NFX1: variants seen among roughly 807,000 people sequenced by gnomAD.
NFX1 encodes the protein nuclear transcription factor, X-box binding 1, also known as transcriptional repressor NF-X1.
NFX1 carries 69 observed loss-of-function variants against 137.2 expected under a neutral mutation model. The observed-to-expected ratio is 0.50, with a 90% CI of 0.41 to 0.61. NFX1 has a LOEUF of 0.61. Among genes scored for constraint, NFX1 ranks in the 20% least tolerant of loss-of-function variants. The probability of loss-of-function intolerance (pLI) is 0.00; values close to 1 mark genes in which losing one functional copy is unlikely to be tolerated. For synonymous variants in NFX1, 495 were observed against 474.1 expected (o/e 1.04, Z -0.57); for missense variants, 1,167 against 1,391.0 (o/e 0.84, Z 2.56).
At chr9:33,307,357 C>T in intron 5 of NFX1, 58 bp downstream of exon 5, 1 of 1,414,882 alleles carries the variant, frequency 7.1e-7, no homozygotes, top group Non-Finnish European at 1.0e-6. Flanking sequence ...GCTGGTGGCT[C>T]TAAGTAAACA....
rs140817809 is a variant in NFX1, at chr9:33,293,761, T to C, written c.26-659T>C. Among the ~76,000 whole-genome samples, 36 of 152,344 alleles carry C rather than the reference T, an allele frequency of 2.4e-4. No individual in the cohort carries two copies. The East Asian group carries it at 5.0e-3, about 21-fold the overall frequency. ...GGGAGTATGCTTAATTTTTTCCACT[T>C]TGGGATTGTAGACCAGATTATAGAG... On this transcript the variant is annotated intron_variant, in intron 1 of 23. Transcript: ENST00000379540.
At chr9:33,302,578 A>G (rs1821611349) in intron 3 of NFX1, among the ~76,000 whole-genome samples, 2 of 148,138 alleles carry the variant, frequency 1.4e-5, no homozygotes, top group South Asian at 2.1e-4. Context: ...CTTGTCTTGA[A>G]CTCCCAGGCT....
At chr9:33,307,366 C>A in intron 5 of NFX1, 67 bp downstream of exon 5, 1 of 1,321,830 alleles carries the variant, frequency 7.6e-7, no homozygotes. Flanking sequence ...TCTAAGTAAA[C>A]ATACCTGGTT....
chr9:33,342,500 A>T (rs1420777492), intron 12 of NFX1, among the ~76,000 whole-genome samples: 2 of 152,226 alleles, frequency 1.3e-5, no homozygotes, highest in Non-Finnish European at 2.9e-5. Context: ...ATGCAGAAGC[A>T]GAGAGACTAC....
chr9:33,303,318 C>A, intron 4 of NFX1, 50 bp downstream of exon 4: 1 of 1,504,108 alleles, frequency 6.6e-7, no homozygotes, highest in South Asian at 1.1e-5. Context: ...TACATTGTAC[C>A]TCAGTTCAGG....
At chr9:33,332,703 C>A in intron 11 of NFX1, 2 of 492,312 alleles carry the variant, frequency 4.1e-6, no homozygotes, top group Non-Finnish European at 3.7e-6. Flanking sequence ...GCTAAGTGCA[C>A]TCATGTCTAC....
chr9:33,324,061 T>C (rs531040109), intron 9 of NFX1, among the ~76,000 whole-genome samples: 4 of 152,208 alleles, frequency 2.6e-5, no homozygotes, highest in Non-Finnish European at 5.9e-5. Flanking sequence ...GAGCACGTAG[T>C]GAGACCCTAT....
chr9:33,348,313 C>T (rs1301777675), intron 15 of NFX1: 1 of 152,002 alleles, frequency 6.6e-6, no homozygotes, highest in African/African-American at 2.4e-5. Context: ...TATCGCACCA[C>T]TGCACTCCAG....
chr9:33,320,162 A>T (rs895079311), intron 9 of NFX1, among the ~76,000 whole-genome samples: 30 of 151,504 alleles, frequency 2.0e-4, no homozygotes, highest in Non-Finnish European at 3.5e-4. Context: ...ACGGGGTTTC[A>T]CCATGTTGGC....
chr9:33,354,295 C>T, intron 18 of NFX1, 108 bp downstream of exon 18: 1 of 845,020 alleles, frequency 1.2e-6, no homozygotes, highest in Non-Finnish European at 1.8e-6. Context: ...CTTGCATACA[C>T]AATAAGTATT....
At chr9:33,339,929 G>T (rs1048416866) in intron 12 of NFX1, among the ~76,000 whole-genome samples, 3 of 152,198 alleles carry the variant, frequency 2.0e-5, no homozygotes, top group African/African-American at 7.2e-5. Context: ...GGACAGCTCC[G>T]CCCATGTGGC....
chr9:33,329,412 T>C (rs1031882296), intron 10 of NFX1, among the ~76,000 whole-genome samples: 4 of 152,120 alleles, frequency 2.6e-5, no homozygotes, highest in Admixed American at 2.6e-4. Context: ...CCTAAAACTA[T>C]CCAGTGTGGC....
At chr9:33,328,764 C>T in intron 10 of NFX1, 86 bp downstream of exon 10, 1 of 1,116,130 alleles carries the variant, frequency 9.0e-7, no homozygotes, top group South Asian at 1.3e-5. Context: ...AAAATAACCT[C>T]AGTAGATTAG....
chr9:33,324,951 A>G (rs1039481937), intron 9 of NFX1, among the ~76,000 whole-genome samples: 2 of 151,742 alleles, frequency 1.3e-5, no homozygotes, highest in Non-Finnish European at 1.5e-5. Context: ...AAAGAAAGAG[A>G]TTATATAACC....
chr9:33,342,614 A>G, intron 12 of NFX1, 132 bp from the exon 13 acceptor site: 1 of 673,652 alleles, frequency 1.5e-6, no homozygotes. Flanking sequence ...TTCTGTGGCT[A>G]TTTTGAAGGT....
At chr9:33,354,947 A>G (rs1257397422) in intron 19 of NFX1, 55 bp downstream of exon 19, 2 of 1,559,412 alleles carry the variant, frequency 1.3e-6, no homozygotes, top group East Asian at 4.5e-5. Flanking sequence ...CTGTGAAATT[A>G]ATGGGAGGGA....
intron 7 of NFX1, 59 bp from the exon 8 acceptor site, chr9:33,318,672 G>T: frequency 1.4e-6 from 2 of 1,449,254 alleles, no homozygotes; most frequent in South Asian, 2.3e-5. Flanking sequence ...GATTATTTGT[G>T]ACATTTTAAG....
chr9:33,369,552 CT>C (rs963240785), intron 23 of NFX1, among the ~76,000 whole-genome samples: 1 of 152,186 alleles, frequency 6.6e-6, no homozygotes, highest in African/African-American at 2.4e-5. Context: ...GCTCGCTTGG[CT>C]TAAGCTGTTA....
intron 14 of NFX1, among the ~76,000 whole-genome samples, chr9:33,344,587 C>A (rs1351991439): frequency 6.6e-6 from 1 of 152,072 alleles, no homozygotes; most frequent in Non-Finnish European, 1.5e-5. Flanking sequence ...GAGGCCAGGG[C>A]CAGGCGCAGT....
Sources: gnomAD v4.1 joint callset for allele counts (sites outside exome capture counted in the v4.1 genomes callset) on GRCh38, gnomAD v4.1.1 for gene constraint, MANE v1.5 for transcripts, NCBI Gene and HGNC (gene_info 2026-07-23, HGNC 2026-07-21) for gene names.